Variants in OLFML2B observed in about 807,000 individuals in gnomAD.
OLFML2B encodes the protein olfactomedin like 2B.
Under a neutral mutation model 74.9 loss-of-function variants are expected in OLFML2B, and 57 were observed. The observed-to-expected ratio is 0.76, with a 90% CI of 0.61 to 0.95. The LOEUF (loss-of-function observed/expected upper bound fraction) is 0.95. Ranked by LOEUF, OLFML2B falls within the 40% of genes least tolerant of loss-of-function variation. The probability of loss-of-function intolerance (pLI) is 0.00; values close to 1 mark genes in which losing one functional copy is unlikely to be tolerated. For missense variants in OLFML2B, 986 were observed against 970.6 expected (o/e 1.02, Z -0.21); for synonymous variants, 388 against 405.8 (o/e 0.96, Z 0.53).
chr1:162,022,663 C>T (rs1373495945), intron 1 of OLFML2B, among the ~76,000 whole-genome samples: 1 of 152,172 alleles, frequency 6.6e-6, no homozygotes, highest in Non-Finnish European at 1.5e-5. Flanking sequence ...CGAAGCCCAT[C>T]ACTATCATGG....
chr1:161,998,374 T>C, intron 5 of OLFML2B, 25 bp from the exon 6 acceptor site: 17 of 1,531,652 alleles, frequency 1.1e-5, no homozygotes, highest in South Asian at 2.5e-5. Flanking sequence ...CAAGGTTCAC[T>C]GTGGCACGGG....
chr1:162,010,809 A>G (rs1690359330), intron 3 of OLFML2B, among the ~76,000 whole-genome samples: 1 of 152,046 alleles, frequency 6.6e-6, no homozygotes, highest in Non-Finnish European at 1.5e-5. Context: ...TGGCCTACTT[A>G]TATAACCACA....
intron 5 of OLFML2B, among the ~76,000 whole-genome samples, chr1:161,999,002 T>C (rs757199393): frequency 6.6e-6 from 1 of 152,002 alleles, no homozygotes; most frequent in Non-Finnish European, 1.5e-5. Flanking sequence ...AGGACATGCG[T>C]GCAGCGGCCC....
chr1:161,988,307 G>A (rs1317977890), intron 6 of OLFML2B, among the ~76,000 whole-genome samples: 2 of 152,212 alleles, frequency 1.3e-5, no homozygotes, highest in East Asian at 3.9e-4. Flanking sequence ...TCAAATCTCA[G>A]CATTCTAAAA....
chr1:161,983,557 A>G lies in OLFML2B; in HGVS notation c.*118T>C. ...ATTGTCATTTTACATTTGCAATATT[A>G]TACAAAATAATATATATTTTTAAAC... On this transcript the variant is annotated 3_prime_UTR_variant, in exon 8 of 8. Transcript: ENST00000294794. 8.8e-7 allele frequency: 1 copy of G among 1,132,124 alleles called. No individual in the cohort carries two copies. 70.1% of individuals were successfully genotyped at this position (1,132,124 alleles called of 1,614,324 possible). A position where few individuals can be genotyped will look rare whatever the true frequency, so the allele number is the denominator to read the frequency against.
chr1:162,022,199 G>A (rs12068305), intron 1 of OLFML2B, among the ~76,000 whole-genome samples: 2 of 150,598 alleles, frequency 1.3e-5, no homozygotes, highest in African/African-American at 4.9e-5. Flanking sequence ...CATGAGATCT[G>A]GGCTGAAGAC....
At chr1:161,985,587 G>C (rs749265493) in intron 6 of OLFML2B, among the ~76,000 whole-genome samples, 2 of 152,208 alleles carry the variant, frequency 1.3e-5, no homozygotes, top group Admixed American at 1.3e-4. Flanking sequence ...CCTCTGCTGG[G>C]TGTAACCAGG....
intron 3 of OLFML2B, among the ~76,000 whole-genome samples, chr1:162,015,263 C>T (rs763782164): frequency 5.9e-5 from 9 of 152,114 alleles, no homozygotes; most frequent in African/African-American, 2.2e-4. Context: ...GACGATACCA[C>T]CCTGCTGGGG....
At chr1:162,002,281 G>A (rs1027874226) in intron 4 of OLFML2B, among the ~76,000 whole-genome samples, 4 of 152,278 alleles carry the variant, frequency 2.6e-5, no homozygotes, top group Non-Finnish European at 4.4e-5. Context: ...ATGAAGAGGC[G>A]GCTTCCTGCA....
At chr1:162,016,302 A>G (rs1310786662) in intron 3 of OLFML2B, among the ~76,000 whole-genome samples, 1 of 152,200 alleles carries the variant, frequency 6.6e-6, no homozygotes, top group Non-Finnish European at 1.5e-5. Flanking sequence ...GTCCAGATGG[A>G]GAAGGTAGGA....
chr1:162,020,267 A>T, intron 1 of OLFML2B, 85 bp from the exon 2 acceptor site: 1 of 1,507,216 alleles, frequency 6.6e-7, no homozygotes, highest in African/African-American at 1.4e-5. Flanking sequence ...TACTTAGTCA[A>T]ATGTCCTGCA....
chr1:162,019,461 A>G (rs1690636219), intron 2 of OLFML2B, among the ~76,000 whole-genome samples: 1 of 152,126 alleles, frequency 6.6e-6, no homozygotes, highest in Admixed American at 6.5e-5. Context: ...TACCCTAAGG[A>G]CCATTATAGG....
At chr1:161,985,186 T>C (rs1267011757) in intron 6 of OLFML2B, 1 of 483,128 alleles carries the variant, frequency 2.1e-6, no homozygotes. Flanking sequence ...GCCTCCACCA[T>C]GCCCATCTTT....
At chr1:162,022,411 T>C (rs942536073) in intron 1 of OLFML2B, among the ~76,000 whole-genome samples, 4 of 151,900 alleles carry the variant, frequency 2.6e-5, no homozygotes, top group Non-Finnish European at 5.9e-5. Flanking sequence ...CCACCACGCC[T>C]GGCTAATTTT....
At chr1:161,998,633 G>T (rs1026328977) in intron 5 of OLFML2B, among the ~76,000 whole-genome samples, 7 of 112,828 alleles carry the variant, frequency 6.2e-5, no homozygotes, top group African/African-American at 1.7e-4. Flanking sequence ...AACCCCGATG[G>T]CTGGGAGTAA....
At chr1:161,993,049 T>C (rs1235914242) in intron 6 of OLFML2B, among the ~76,000 whole-genome samples, 1 of 151,990 alleles carries the variant, frequency 6.6e-6, no homozygotes, top group Non-Finnish European at 1.5e-5. Flanking sequence ...TACAATAGCA[T>C]GGAACAGCAA....
Position 161,983,800 on chromosome 1 carries a change from G to A in OLFML2B, c.2128C>T (p.Pro710Ser). ...FDTHTNTQIV[P>S]RLLFENEYSY... ...TACTCATTCTCGAACAGCAGCCTGG[G>A]GACGATCTGTGTGTTGGTGTGGGTG... The change falls in exon 8 of 8, where the codon CCC (proline) becomes TCC (serine). Residue 710 changes from proline (P) to serine (S), a missense_variant. Pro to Ser is a moderately conservative substitution (Grantham distance 74). Coordinates refer to ENST00000294794, the MANE Select transcript of OLFML2B (RefSeq NM_015441.3). The A allele has an allele frequency of 6.2e-7, 1 of 1,614,090 alleles. No homozygotes were observed. Among genetic ancestry groups the A allele is most frequent in the Non-Finnish European group, 8.5e-7 (1 of 1,180,016 alleles).
intron 5 of OLFML2B, 146 bp downstream of exon 5, chr1:161,999,967 A>G (rs764892624): frequency 1.5e-6 from 1 of 657,698 alleles, no homozygotes; most frequent in African/African-American, 1.8e-5. Flanking sequence ...AAATGCAGTG[A>G]GAGCTCTGGA....
chr1:162,023,064 G>A (rs573293024), intron 1 of OLFML2B, among the ~76,000 whole-genome samples, 193 bp downstream of exon 1: 1 of 152,150 alleles, frequency 6.6e-6, no homozygotes, highest in African/African-American at 2.4e-5. Context: ...TGACCTTTAA[G>A]CACCCTATGA....
Sources: gnomAD v4.1 joint callset for allele counts (sites outside exome capture counted in the v4.1 genomes callset) on GRCh38, gnomAD v4.1.1 for gene constraint, MANE v1.5 for transcripts, NCBI Gene and HGNC (gene_info 2026-07-23, HGNC 2026-07-21) for gene names.